KCNAB1: variants seen among roughly 807,000 people sequenced by gnomAD.
The protein encoded by KCNAB1 is potassium voltage-gated channel subfamily A regulatory beta subunit 1, also known as voltage-gated potassium channel subunit beta-1.
Under a neutral mutation model 64.6 loss-of-function variants are expected in KCNAB1, and 35 were observed. That is an observed-to-expected ratio of 0.54 (90% CI 0.41 to 0.72). KCNAB1 has a LOEUF of 0.72. Among genes scored for constraint, KCNAB1 ranks in the 30% least tolerant of loss-of-function variants. The pLI, the probability that KCNAB1 is intolerant of heterozygous loss-of-function variation, is 0.00. For synonymous variants in KCNAB1, 177 were observed against 183.8 expected (o/e 0.96, Z 0.30); for missense variants, 401 against 512.9 (o/e 0.78, Z 2.11).
At chr3:156,249,993 CTGAT>C (rs1268431296) in intron 1 of KCNAB1, among the ~76,000 whole-genome samples, 1 of 152,192 alleles carries the variant, frequency 6.6e-6, no homozygotes, top group Admixed American at 6.5e-5. Flanking sequence ...TCAGGGGAAA[CTGAT>C]TGGAGTGATT....
At chr3:156,233,795 A>G (rs372401477) in intron 1 of KCNAB1, among the ~76,000 whole-genome samples, 2 of 152,138 alleles carry the variant, frequency 1.3e-5, no homozygotes, top group East Asian at 3.9e-4. Flanking sequence ...AATCTGAGGA[A>G]TGAACAAAAA....
At chr3:156,493,663 C>T (rs747393070) in intron 8 of KCNAB1, among the ~76,000 whole-genome samples, 1 of 152,202 alleles carries the variant, frequency 6.6e-6, no homozygotes. Context: ...CAAGATCACA[C>T]GTTGTAGCTA....
chr3:156,255,544 C>G lies in KCNAB1; in HGVS notation c.275+134658C>G, dbSNP rs144740770. ...TCTCTCCTGCTCCATCTTCCTCTTA[C>G]ACTCTCTTTTACCACTCCCTCGGAA... On this transcript the variant is annotated intron_variant, in intron 1 of 13. Coordinates refer to ENST00000490337, the MANE Select transcript of KCNAB1 (RefSeq NM_172160.3). Among the ~76,000 whole-genome samples the G allele has an allele frequency of 2.5e-3, 385 of 152,270 alleles. 1 individual carries two copies. Among genetic ancestry groups the G allele is most frequent in the African/African-American group, 8.8e-3 (367 of 41,546 alleles).
chr3:156,219,140 G>A (rs1180394249), intron 1 of KCNAB1, among the ~76,000 whole-genome samples: 5 of 151,844 alleles, frequency 3.3e-5, no homozygotes, highest in African/African-American at 1.2e-4. Context: ...GGATTCAGAA[G>A]GTCAATTATT....
chr3:156,444,596 C>A (rs1576875544), intron 2 of KCNAB1, among the ~76,000 whole-genome samples: 2 of 152,312 alleles, frequency 1.3e-5, no homozygotes, highest in South Asian at 4.1e-4. Flanking sequence ...TTCTAGGCCT[C>A]ACCAGCAAGA....
chr3:156,363,953 A>AT (rs1368574244), intron 1 of KCNAB1, among the ~76,000 whole-genome samples: 3 of 152,238 alleles, frequency 2.0e-5, no homozygotes, highest in African/African-American at 7.2e-5. Flanking sequence ...TTAGTGACAA[A>AT]TAAGTTCAGT....
At chr3:156,295,028 G>A (rs1379013651) in intron 1 of KCNAB1, among the ~76,000 whole-genome samples, 1 of 152,066 alleles carries the variant, frequency 6.6e-6, no homozygotes, top group Non-Finnish European at 1.5e-5. Flanking sequence ...TGAAGTCTGG[G>A]GCTAAAGTAC....
At chr3:156,310,213 C>A (rs933717705) in intron 1 of KCNAB1, among the ~76,000 whole-genome samples, 1 of 152,122 alleles carries the variant, frequency 6.6e-6, no homozygotes, top group Non-Finnish European at 1.5e-5. Context: ...AGGGAGACTC[C>A]AAGAGAATCA....
intron 1 of KCNAB1, among the ~76,000 whole-genome samples, chr3:156,195,172 A>G (rs549099556): frequency 2.8e-4 from 43 of 152,130 alleles, no homozygotes; most frequent in South Asian, 6.2e-4. Context: ...CATTTTCTTT[A>G]TCCAGTTTAT....
At chr3:156,470,076 T>C (rs1184615222) in intron 7 of KCNAB1, among the ~76,000 whole-genome samples, 8 of 152,184 alleles carry the variant, frequency 5.3e-5, no homozygotes, top group African/African-American at 1.9e-4. Flanking sequence ...CTGAGTTAGT[T>C]TACAGAGTAT....
intron 1 of KCNAB1, among the ~76,000 whole-genome samples, chr3:156,343,002 T>G (rs1459465414): frequency 6.6e-6 from 1 of 152,208 alleles, no homozygotes; most frequent in Non-Finnish European, 1.5e-5. Context: ...AAAACTGTCA[T>G]AGGTAACATA....
intron 8 of KCNAB1, among the ~76,000 whole-genome samples, chr3:156,478,383 T>C: frequency 6.6e-6 from 1 of 152,204 alleles, no homozygotes; most frequent in East Asian, 1.9e-4. Context: ...ATTTCAACTA[T>C]TATTTGCCAA....
intron 1 of KCNAB1, among the ~76,000 whole-genome samples, chr3:156,283,448 A>T (rs55904458): frequency 2.7e-5 from 4 of 147,618 alleles, no homozygotes; most frequent in Admixed American, 2.0e-4. Flanking sequence ...TGTGTCTTGG[A>T]GTTGCTCTTC....
intron 1 of KCNAB1, among the ~76,000 whole-genome samples, chr3:156,259,679 A>G (rs1199053062): frequency 1.3e-5 from 2 of 152,140 alleles, no homozygotes; most frequent in Non-Finnish European, 2.9e-5. Context: ...TTCCTTGCCC[A>G]TCTGGACCTG....
intron 1 of KCNAB1, among the ~76,000 whole-genome samples, chr3:156,250,251 G>A (rs539352690): frequency 1.3e-5 from 2 of 152,192 alleles, no homozygotes; most frequent in African/African-American, 4.8e-5. Flanking sequence ...AAAGCATCAG[G>A]GACAGTCCAT....
chr3:156,505,685 T>C (rs1262392690), intron 8 of KCNAB1, among the ~76,000 whole-genome samples: 1 of 152,174 alleles, frequency 6.6e-6, no homozygotes, highest in Non-Finnish European at 1.5e-5. Context: ...TGAGGCTAGG[T>C]AATTTATAAA....
At chr3:156,266,045 T>G (rs1443165030) in intron 1 of KCNAB1, among the ~76,000 whole-genome samples, 1 of 152,018 alleles carries the variant, frequency 6.6e-6, no homozygotes, top group African/African-American at 2.4e-5. Flanking sequence ...TATCCTAAAC[T>G]TTTCCCAAAA....
chr3:156,467,656 C>A (rs1713519928), intron 7 of KCNAB1, among the ~76,000 whole-genome samples: 1 of 151,952 alleles, frequency 6.6e-6, no homozygotes, highest in Non-Finnish European at 1.5e-5. Flanking sequence ...TAGAACCAGG[C>A]CACAAATATT....
At chr3:156,311,995 A>G (rs1721942461) in intron 1 of KCNAB1, among the ~76,000 whole-genome samples, 1 of 152,202 alleles carries the variant, frequency 6.6e-6, no homozygotes, top group Non-Finnish European at 1.5e-5. Flanking sequence ...CACCCCACTC[A>G]TCACACATTT....
Sources: gnomAD v4.1 joint callset for allele counts (sites outside exome capture counted in the v4.1 genomes callset) on GRCh38, gnomAD v4.1.1 for gene constraint, MANE v1.5 for transcripts, NCBI Gene and HGNC (gene_info 2026-07-23, HGNC 2026-07-21) for gene names.